The following ZDHHC5 variants were observed in gnomAD, a reference collection of about 807,000 sequenced individuals.
ZDHHC5 encodes palmitoyltransferase ZDHHC5.
A neutral mutation model predicts 70.0 loss-of-function variants in ZDHHC5; 22 were observed. The ratio of observed to expected loss-of-function variants is 0.31; its 90% confidence interval spans 0.22 to 0.45. ZDHHC5 has a LOEUF of 0.45. Ranked by LOEUF, ZDHHC5 falls within the 20% of genes least tolerant of loss-of-function variation. ZDHHC5 has a pLI of 1.00. For synonymous variants in ZDHHC5, 313 were observed against 347.8 expected (o/e 0.90, Z 1.11); for missense variants, 746 against 926.9 (o/e 0.80, Z 2.53).
At chr11:57,686,512 C>T (rs1329658725) in intron 3 of ZDHHC5, among the ~76,000 whole-genome samples, 1 of 151,964 alleles carries the variant, frequency 6.6e-6, no homozygotes, top group African/African-American at 2.4e-5. Flanking sequence ...GATGGGGTCT[C>T]ACCATGTTGG....
chr11:57,695,175 T>C (rs1204172180), intron 8 of ZDHHC5, among the ~76,000 whole-genome samples: 1 of 151,984 alleles, frequency 6.6e-6, no homozygotes, highest in East Asian at 1.9e-4. Context: ...GGTAGGAGAA[T>C]TGCTTGAACC....
intron 5 of ZDHHC5, 38 bp downstream of exon 5, chr11:57,690,241 G>A (rs1243283048): frequency 2.5e-6 from 4 of 1,613,142 alleles, no homozygotes; most frequent in Non-Finnish European, 3.4e-6. Flanking sequence ...GGATTGGAAG[G>A]GGGAGGAATG....
chr11:57,700,132 A>G lies in ZDHHC5; in HGVS notation c.*101A>G, dbSNP rs1946422010. ...AGGGGCTCCCCTCCCGTGCATGGACATTTTTTAAACCACCGATTCCAAGAG... is the reference window on the plus strand; with the variant it reads ...AGGGGCTCCCCTCCCGTGCATGGACGTTTTTTAAACCACCGATTCCAAGAG... On this transcript the variant is annotated 3_prime_UTR_variant, in exon 12 of 12. Transcript: ENST00000287169. The G allele has an allele frequency of 2.9e-6, 4 of 1,400,852 alleles. No individual in the cohort carries two copies. Among genetic ancestry groups the G allele is most frequent in the East Asian group, 2.5e-5 (1 of 39,544 alleles). The allele number at this position is 1,400,852 out of a possible 1,614,324, so 86.8% of individuals were successfully genotyped here.
intron 3 of ZDHHC5, among the ~76,000 whole-genome samples, chr11:57,683,105 A>G (rs1946168133): frequency 6.6e-6 from 1 of 152,216 alleles, no homozygotes; most frequent in African/African-American, 2.4e-5. Flanking sequence ...GCACATGCAG[A>G]AGCTTGTAGC....
Position 57,699,018 on chromosome 11 carries a change from C to T in ZDHHC5, c.1582C>T (p.Pro528Ser). 1.2e-6 allele frequency: 2 copies of T among 1,609,794 alleles called. No homozygotes were observed. The highest frequency in any genetic ancestry group is 4.5e-5 in the East Asian group (2 of 44,878). The change falls in exon 11 of 12, where the codon CCC (proline) becomes TCC (serine). Residue 528 changes from proline (P) to serine (S), a missense_variant. Coordinates refer to ENST00000287169, the MANE Select transcript of ZDHHC5 (RefSeq NM_015457.3). ...LVPTGPTHREPSPVRYDNLSR... is the reference protein window; with the variant it reads ...LVPTGPTHRESSPVRYDNLSR... ...GCCAACTGGCCCAACACACCGAGAG[C>T]CCTCACCAGTCCGTTACGACAATCT... is the stretch of plus-strand genomic sequence containing the variant.
chr11:57,695,053 G>A (rs1206721183), intron 8 of ZDHHC5, among the ~76,000 whole-genome samples: 2 of 152,116 alleles, frequency 1.3e-5, no homozygotes, highest in East Asian at 1.9e-4. Flanking sequence ...ACCTGAGGTT[G>A]GGAGCTCGAG....
chr11:57,697,368 C>G (rs773050445), intron 10 of ZDHHC5, among the ~76,000 whole-genome samples: 1 of 152,010 alleles, frequency 6.6e-6, no homozygotes, highest in Non-Finnish European at 1.5e-5. Context: ...GAGGCTGAGC[C>G]AGGAGAATGG....
At chr11:57,688,263 C>T (rs930790927) in intron 3 of ZDHHC5, among the ~76,000 whole-genome samples, 1 of 152,178 alleles carries the variant, frequency 6.6e-6, no homozygotes, top group African/African-American at 2.4e-5. Flanking sequence ...CATACAAGAG[C>T]TACCTCTTGA....
intron 11 of ZDHHC5, 145 bp from the exon 12 acceptor site, chr11:57,699,721 C>A: frequency 1.8e-6 from 2 of 1,131,482 alleles, no homozygotes; most frequent in South Asian, 1.4e-5. Context: ...TTATTTTAAG[C>A]AGGGCAATAA....
At chr11:57,670,382 A>G (rs551848026) in intron 1 of ZDHHC5, among the ~76,000 whole-genome samples, 1 of 152,052 alleles carries the variant, frequency 6.6e-6, no homozygotes, top group Admixed American at 6.6e-5. Context: ...GAGACAGGAG[A>G]ATTGCTTGAA....
At chr11:57,680,285 G>A (rs1175347344) in intron 2 of ZDHHC5, among the ~76,000 whole-genome samples, 1 of 152,202 alleles carries the variant, frequency 6.6e-6, no homozygotes, top group Admixed American at 6.5e-5. Flanking sequence ...GCTGGGGTGG[G>A]AGGATCACTG....
rs754380974 is a variant in ZDHHC5, at chr11:57,696,785, G to C, written c.1034G>C (p.Ser345Thr). The part of the protein sequence containing the change: ...NEDSSLLAKD[S>T]PPTPTMYKYR... ...GATAGTAGCTTATTGGCCAAGGACA[G>C]CCCCCCGACACCTACCATGTACAAG... The change falls in exon 10 of 12, where the codon AGC becomes ACC. Residue 345 changes from serine (S) to threonine (T), a missense_variant. Transcript: ENST00000287169. 6.2e-7 allele frequency: 1 copy of C among 1,613,938 alleles called. No individual in the cohort carries two copies. The highest frequency in any genetic ancestry group is 2.2e-5 in the East Asian group (1 of 44,878).
At position 57,672,426 on chromosome 11, in the gene ZDHHC5, A is replaced by G. The variant is rs1176009900; in HGVS notation, c.-665A>G. On this transcript the variant is annotated 5_prime_UTR_variant, in exon 2 of 12. Coordinates refer to ENST00000287169, the MANE Select transcript of ZDHHC5 (RefSeq NM_015457.3). The stretch of plus-strand genomic sequence containing the variant: ...TAAATTAAACCACCATTGCCAGACT[A>G]CAAGCCCTGGTGAAGTCAGGGTGTG... 2.6e-6 allele frequency: 1 copy of G among 388,776 alleles called. No individual in the cohort carries two copies. The highest frequency in any genetic ancestry group is 4.5e-6 in the Non-Finnish European group (1 of 220,468). 24.1% of individuals were successfully genotyped at this position (388,776 alleles called of 1,614,324 possible). A position where few individuals can be genotyped will look rare whatever the true frequency, so the allele number is the denominator to read the frequency against.
At chr11:57,697,245 G>A (rs1170304913) in intron 10 of ZDHHC5, among the ~76,000 whole-genome samples, 3 of 146,808 alleles carry the variant, frequency 2.0e-5, no homozygotes, top group Non-Finnish European at 4.5e-5. Context: ...GGTGAATCAC[G>A]AGGTCAGGAG....
chr11:57,691,682 ATTCT>A (rs1446888926), intron 6 of ZDHHC5, among the ~76,000 whole-genome samples: 7 of 152,146 alleles, frequency 4.6e-5, no homozygotes, highest in Non-Finnish European at 8.8e-5. Flanking sequence ...AAATAATAGT[ATTCT>A]TTCTTTAGTT....
At chr11:57,691,755 G>A (rs1393420938) in intron 6 of ZDHHC5, among the ~76,000 whole-genome samples, 1 of 150,966 alleles carries the variant, frequency 6.6e-6, no homozygotes, top group African/African-American at 2.4e-5. Context: ...ATATGTATAT[G>A]TACATATATG....
At chr11:57,693,513 G>A (rs17152048) in intron 7 of ZDHHC5, among the ~76,000 whole-genome samples, 3,564 of 152,142 alleles carry the variant, frequency 0.023, 155 homozygotes, top group African/African-American at 0.082. Flanking sequence ...TATTCTTCAG[G>A]TATTAAGGTA....
chr11:57,685,071 G>A (rs7121169), intron 3 of ZDHHC5, among the ~76,000 whole-genome samples: 38,003 of 151,606 alleles, frequency 0.25, 5,562 homozygotes, highest in Non-Finnish European at 0.33. Flanking sequence ...TCGCTTGAGT[G>A]GGGGAGGCAG....
At chr11:57,680,451 T>C (rs982499967) in intron 2 of ZDHHC5, among the ~76,000 whole-genome samples, 3 of 152,224 alleles carry the variant, frequency 2.0e-5, no homozygotes, top group Non-Finnish European at 4.4e-5. Flanking sequence ...ATCTTGTTCT[T>C]ACTCTCATTA....
Sources: allele counts gnomAD v4.1 joint callset (sites outside exome capture counted in the v4.1 genomes callset), GRCh38; gene constraint gnomAD v4.1.1; transcripts MANE v1.5; gene names NCBI Gene and HGNC (gene_info 2026-07-23, HGNC 2026-07-21).